Variants in ITPK1 observed in about 807,000 individuals in gnomAD.
The protein encoded by ITPK1 is inositol 1,3,4-trisphosphate 5/6-kinase.
A neutral mutation model predicts 45.3 loss-of-function variants in ITPK1; 21 were observed. The observed-to-expected ratio is 0.46, with a 90% CI of 0.33 to 0.67. The LOEUF (loss-of-function observed/expected upper bound fraction) is 0.67, where lower values mean the gene tolerates loss of function less well. Ranked by LOEUF, ITPK1 falls within the 30% of genes least tolerant of loss-of-function variation. The pLI is 0.02. For synonymous variants in ITPK1, 258 were observed against 253.6 expected (o/e 1.02, Z -0.16); for missense variants, 474 against 573.5 (o/e 0.83, Z 1.77).
At chr14:93,007,969 C>T (rs1273589228) in intron 4 of ITPK1, among the ~76,000 whole-genome samples, 1 of 152,236 alleles carries the variant, frequency 6.6e-6, no homozygotes, top group Admixed American at 6.5e-5. Context: ...AGCTACCCAG[C>T]GCTCCCAGGA....
Position 92,941,074 on chromosome 14 carries a change from A to G in ITPK1, c.*487T>C. The G allele has an allele frequency of 8.3e-7, 1 of 1,202,466 alleles. No homozygotes were observed. The highest frequency in any genetic ancestry group is 3.8e-4 in the Middle Eastern group (1 of 2,632). The allele number at this position is 1,202,466 out of a possible 1,614,324, so 74.5% of individuals were successfully genotyped here. A position where few individuals can be genotyped will look rare whatever the true frequency, so the allele number is the denominator to read the frequency against. ...AGCCTTGGTGGAGACCAGTAGGAGG[A>G]AAAACAAGGAAGGGGCAGGTCAGGG... On this transcript the variant is annotated 3_prime_UTR_variant, in exon 11 of 11. Transcript: ENST00000267615.
At position 92,941,560 on chromosome 14, in the gene ITPK1, G is replaced by C. The variant is rs1456603844; in HGVS notation, c.*1C>G. ...TGCCCCTCTGGGTCCCGGCTCCGTG[G>C]CTACTGGGAGGAGGCCTTGGTGGCC... On this transcript the variant is annotated 3_prime_UTR_variant, in exon 11 of 11. Coordinates refer to ENST00000267615, the MANE Select transcript of ITPK1 (RefSeq NM_014216.6). The C allele has an allele frequency of 2.0e-5, 30 of 1,529,262 alleles. No individual in the cohort carries two copies. The highest frequency in any genetic ancestry group is 2.5e-5 in the Non-Finnish European group (28 of 1,142,176). The allele number at this position is 1,529,262 out of a possible 1,614,324, so 94.7% of individuals were successfully genotyped here.
At chr14:93,024,915 T>C (rs1888661388) in intron 3 of ITPK1, among the ~76,000 whole-genome samples, 1 of 152,124 alleles carries the variant, frequency 6.6e-6, no homozygotes, top group East Asian at 1.9e-4. Flanking sequence ...CCTTTCCTGA[T>C]GTGCAGGGAT....
intron 2 of ITPK1, among the ~76,000 whole-genome samples, chr14:93,111,572 G>A (rs1284893295): frequency 1.3e-5 from 2 of 151,976 alleles, no homozygotes; most frequent in African/African-American, 4.8e-5. Flanking sequence ...TTAGCCAGGC[G>A]TGGTGGTGCG....
At chr14:93,109,331 C>T (rs946241440) in intron 2 of ITPK1, among the ~76,000 whole-genome samples, 5 of 152,232 alleles carry the variant, frequency 3.3e-5, no homozygotes, top group African/African-American at 1.2e-4. Flanking sequence ...CGTGCACGCG[C>T]CCCTGAGTGT....
intron 2 of ITPK1, among the ~76,000 whole-genome samples, chr14:93,105,441 C>T (rs1025094170): frequency 2.0e-5 from 3 of 152,078 alleles, no homozygotes; most frequent in African/African-American, 7.2e-5. Flanking sequence ...TCCCCAGCCC[C>T]CTTCCCAGGA....
intron 4 of ITPK1, among the ~76,000 whole-genome samples, chr14:93,007,706 C>T (rs1432470163): frequency 2.6e-5 from 4 of 152,132 alleles, no homozygotes. Context: ...GGTGACCTGG[C>T]TACGACATCT....
intron 7 of ITPK1, among the ~76,000 whole-genome samples, chr14:92,960,336 C>T (rs577625240): frequency 1.3e-5 from 2 of 152,284 alleles, no homozygotes; most frequent in South Asian, 4.1e-4. Context: ...GCACCTGGAT[C>T]CAGAACCCCC....
intron 5 of ITPK1, among the ~76,000 whole-genome samples, chr14:92,967,414 C>T (rs909587304): frequency 2.0e-5 from 3 of 152,104 alleles, no homozygotes; most frequent in Non-Finnish European, 4.4e-5. Flanking sequence ...CCAAAAATAA[C>T]AAGTGTTGCT....
intron 4 of ITPK1, among the ~76,000 whole-genome samples, chr14:93,003,132 C>T (rs79591839): frequency 0.013 from 2,038 of 152,284 alleles, 38 homozygotes; most frequent in African/African-American, 0.045. Flanking sequence ...ATGGAGTGGC[C>T]CCTGCAGGGG....
At chr14:92,963,712 C>G (rs1885204215) in intron 5 of ITPK1, among the ~76,000 whole-genome samples, 1 of 152,270 alleles carries the variant, frequency 6.6e-6, no homozygotes, top group Non-Finnish European at 1.5e-5. Context: ...TTCATCCTGA[C>G]TCGTGCCTGG....
At chr14:92,986,741 TC>T (rs1313937560) in intron 5 of ITPK1, among the ~76,000 whole-genome samples, 5 of 152,154 alleles carry the variant, frequency 3.3e-5, no homozygotes, top group Non-Finnish European at 7.4e-5. Context: ...TCTTAAAGGC[TC>T]AGCAAGGTTA....
intron 8 of ITPK1, among the ~76,000 whole-genome samples, chr14:92,954,622 A>G (rs1021719815): frequency 6.6e-6 from 1 of 152,220 alleles, no homozygotes; most frequent in Non-Finnish European, 1.5e-5. Context: ...CAACTTATGG[A>G]TTTAAAAAAT....
At chr14:92,969,851 G>A (rs960547257) in intron 5 of ITPK1, among the ~76,000 whole-genome samples, 4 of 152,144 alleles carry the variant, frequency 2.6e-5, no homozygotes, top group African/African-American at 7.2e-5. Flanking sequence ...TTTTGAGAGC[G>A]AATATCAGCC....
chr14:92,973,177 C>T (rs771833008), intron 5 of ITPK1, among the ~76,000 whole-genome samples: 64 of 152,214 alleles, frequency 4.2e-4, no homozygotes, highest in Non-Finnish European at 7.8e-4. Flanking sequence ...CTCTTGTACG[C>T]TATTAAATTT....
At chr14:92,990,190 T>C (rs991155233) in intron 5 of ITPK1, among the ~76,000 whole-genome samples, 2 of 152,186 alleles carry the variant, frequency 1.3e-5, no homozygotes, top group Non-Finnish European at 2.9e-5. Context: ...CCAAAGTCCC[T>C]TCTCCCAGCA....
intron 4 of ITPK1, among the ~76,000 whole-genome samples, chr14:93,010,850 C>T (rs2139843682): frequency 6.6e-6 from 1 of 152,204 alleles, no homozygotes; most frequent in Middle Eastern, 3.4e-3. Context: ...CCCTTACACA[C>T]ACGTGCACCA....
intron 4 of ITPK1, among the ~76,000 whole-genome samples, chr14:93,007,017 AG>A (rs1400562182): frequency 1.3e-5 from 2 of 152,220 alleles, no homozygotes; most frequent in Non-Finnish European, 2.9e-5. Context: ...CTAGGCGACC[AG>A]GGAAGGATCC....
intron 10 of ITPK1, among the ~76,000 whole-genome samples, chr14:92,945,807 A>G (rs553724439): frequency 6.6e-6 from 1 of 152,276 alleles, no homozygotes; most frequent in South Asian, 2.1e-4. Context: ...CCCAGCTGGC[A>G]GCAGGGAACA....
Sources: allele counts gnomAD v4.1 joint callset (sites outside exome capture counted in the v4.1 genomes callset), GRCh38; gene constraint gnomAD v4.1.1; transcripts MANE v1.5; gene names NCBI Gene and HGNC (gene_info 2026-07-23, HGNC 2026-07-21).